NAV2: variants seen among roughly 807,000 people sequenced by gnomAD.
NAV2 encodes helicase, APC down-regulated 1.
Under a neutral mutation model 223.2 loss-of-function variants are expected in NAV2, and 54 were observed. The ratio of observed to expected loss-of-function variants is 0.24; its 90% confidence interval spans 0.19 to 0.30. The LOEUF (loss-of-function observed/expected upper bound fraction) is 0.30. Among genes scored for constraint, NAV2 ranks in the 10% least tolerant of loss-of-function variants. The probability of loss-of-function intolerance (pLI) is 1.00; values close to 1 mark genes in which losing one functional copy is unlikely to be tolerated. For synonymous variants in NAV2, 1,279 were observed against 1,239.3 expected (o/e 1.03, Z -0.67); for missense variants, 2,806 against 3,147.5 (o/e 0.89, Z 2.60).
chr11:19,919,577 G>A (rs1449339345), intron 6 of NAV2, among the ~76,000 whole-genome samples: 1 of 152,194 alleles, frequency 6.6e-6, no homozygotes, highest in African/African-American at 2.4e-5. Context: ...TGAAACTATG[G>A]CACTGGAAGG....
intron 3 of NAV2, among the ~76,000 whole-genome samples, chr11:19,861,504 A>G (rs947695380): frequency 6.6e-6 from 1 of 152,226 alleles, no homozygotes; most frequent in African/African-American, 2.4e-5. Context: ...CATATTAAAC[A>G]TCACGAATAT....
chr11:19,455,113 G>A (rs1851917043), intron 1 of NAV2, among the ~76,000 whole-genome samples: 1 of 152,200 alleles, frequency 6.6e-6, no homozygotes, highest in African/African-American at 2.4e-5. Flanking sequence ...AAGAGGCAGA[G>A]TGACTTTAGA....
chr11:19,504,490 AG>A (rs113976026), intron 1 of NAV2: 10 of 152,114 alleles, frequency 6.6e-5, no homozygotes, highest in African/African-American at 1.9e-4. Context: ...TTGGGGAGGG[AG>A]GGAGGTTCCT....
chr11:19,998,764 C>T lies in NAV2; in HGVS notation c.2768+14517C>T, dbSNP rs2052223754. On this transcript the variant is annotated intron_variant, in intron 11 of 37. Coordinates refer to ENST00000349880, the MANE Select transcript of NAV2 (RefSeq NM_145117.5). This position sits in a 1 kb window ranked among gnomAD's most constrained non-coding sequence, Gnocchi z 5.0. Reference sequence around the variant, plus strand: ...CTTATTCTCTTCCTTCAGGTCTCAACTCAAACTTCACCACTTAGAGAGGCT... The same window carrying T: ...CTTATTCTCTTCCTTCAGGTCTCAATTCAAACTTCACCACTTAGAGAGGCT... Among the ~76,000 whole-genome samples the T allele has an allele frequency of 6.6e-6, 1 of 152,192 alleles. No homozygotes were observed. Among genetic ancestry groups the T allele is most frequent in the Non-Finnish European group, 1.5e-5 (1 of 68,042 alleles).
chr11:19,966,545 C>T (rs1285383646), intron 10 of NAV2, among the ~76,000 whole-genome samples: 1 of 152,214 alleles, frequency 6.6e-6, no homozygotes, highest in East Asian at 1.9e-4. Context: ...CAGCTGCCAT[C>T]CTGTTCCTGC....
intron 1 of NAV2, among the ~76,000 whole-genome samples, chr11:19,669,043 G>A (rs1590063560): frequency 6.6e-6 from 1 of 152,212 alleles, no homozygotes; most frequent in Admixed American, 6.5e-5. Flanking sequence ...GGCTGGACAA[G>A]TGACGGCCAT....
chr11:19,935,854 T>TTTTTTTTTTG lies in NAV2; in HGVS notation c.2033+1586_2033+1587insGTTTTTTTTT, dbSNP rs1555156778. Among the ~76,000 whole-genome samples, 392 of 93,738 alleles carry TTTTTTTTTTG rather than the reference T, an allele frequency of 4.2e-3. 21 individuals are homozygous for TTTTTTTTTTG. The highest frequency in any genetic ancestry group is 7.7e-3 in the Non-Finnish European group (336 of 43,436). The allele number at this position is 93,738 out of a possible 152,430, so 61.5% of individuals were successfully genotyped here. On this transcript the variant is annotated intron_variant, in intron 7 of 37. Transcript: ENST00000349880. Reference sequence around the variant, plus strand: ...GCTTTTGTTTTGTTTTGTTTCTGTTTTTTTTTTTTTTTTTTTTTTTTGAGA... The same window carrying TTTTTTTTTTG: ...GCTTTTGTTTTGTTTTGTTTCTGTTTTTTTTTTTTGTTTTTTTTTTTTTTTTTTTTTGAGA...
At chr11:19,450,333 C>T (rs115279647) in intron 1 of NAV2, among the ~76,000 whole-genome samples, 2,429 of 152,292 alleles carry the variant, frequency 0.016, 68 homozygotes, top group African/African-American at 0.055. Flanking sequence ...CTTCCCCTCT[C>T]ATTTTTCTCT....
chr11:19,873,193 C>CTAGG (rs2062631804), intron 4 of NAV2, among the ~76,000 whole-genome samples: 1 of 152,178 alleles, frequency 6.6e-6, no homozygotes, highest in Non-Finnish European at 1.5e-5. Flanking sequence ...AGGCCCAGTG[C>CTAGG]TAGGCACTAG....
At chr11:19,963,829 A>C (rs192344848) in intron 10 of NAV2, among the ~76,000 whole-genome samples, 1 of 152,346 alleles carries the variant, frequency 6.6e-6, no homozygotes, top group East Asian at 1.9e-4. Flanking sequence ...AGGTGCTCAG[A>C]GGCAGGAAAG....
intron 1 of NAV2, among the ~76,000 whole-genome samples, chr11:19,496,111 G>C (rs1023472984): frequency 1.3e-5 from 2 of 152,084 alleles, no homozygotes; most frequent in Non-Finnish European, 2.9e-5. Flanking sequence ...GAAAATGGGG[G>C]CTCTAGCATT....
intron 1 of NAV2, among the ~76,000 whole-genome samples, chr11:19,735,201 T>G (rs1262510263): frequency 1.3e-5 from 2 of 152,100 alleles, no homozygotes; most frequent in Non-Finnish European, 2.9e-5. Flanking sequence ...ACATAAAGCT[T>G]CTCCATGGGC....
intron 1 of NAV2, among the ~76,000 whole-genome samples, chr11:19,717,725 G>A (rs1487918438): frequency 6.6e-6 from 1 of 152,138 alleles, no homozygotes; most frequent in Non-Finnish European, 1.5e-5. Flanking sequence ...ATCCGGAGAG[G>A]GTGTCCGTTA....
chr11:19,401,480 A>G (rs749414892), intron 1 of NAV2, among the ~76,000 whole-genome samples: 5 of 152,334 alleles, frequency 3.3e-5, no homozygotes, highest in Admixed American at 2.6e-4. Context: ...GGGCACATTT[A>G]TGAAATCACA....
intron 4 of NAV2, among the ~76,000 whole-genome samples, chr11:19,872,780 G>C (rs1413232245): frequency 6.6e-6 from 1 of 152,232 alleles, no homozygotes; most frequent in South Asian, 2.1e-4. Flanking sequence ...CGGATGCTTG[G>C]GGGCAGAGGC....
chr11:19,631,192 G>T (rs1238574734), intron 1 of NAV2, among the ~76,000 whole-genome samples: 4 of 151,560 alleles, frequency 2.6e-5, no homozygotes, highest in African/African-American at 9.7e-5. Flanking sequence ...TGCCACACTG[G>T]TGCACTGCAC....
intron 1 of NAV2, among the ~76,000 whole-genome samples, chr11:19,546,510 G>A (rs2044503229): frequency 6.6e-6 from 1 of 152,192 alleles, no homozygotes; most frequent in African/African-American, 2.4e-5. Context: ...GCTTTCCAAA[G>A]CCACCTGCAG....
At chr11:19,960,683 A>G (rs974306873) in intron 10 of NAV2, among the ~76,000 whole-genome samples, 1 of 151,886 alleles carries the variant, frequency 6.6e-6, no homozygotes. Flanking sequence ...GCACAATCTC[A>G]GCTCACTGCA....
chr11:19,758,382 TA>T (rs1235813707), intron 1 of NAV2, among the ~76,000 whole-genome samples: 1 of 151,860 alleles, frequency 6.6e-6, no homozygotes, highest in African/African-American at 2.4e-5. Flanking sequence ...GCTTGAGTGG[TA>T]AAAAAGAGCC....
Sources: gnomAD v4.1 joint callset for allele counts (sites outside exome capture counted in the v4.1 genomes callset) on GRCh38, gnomAD v4.1.1 for gene constraint, Gnocchi (gnomAD v3.1) non-coding constraint, MANE v1.5 for transcripts, NCBI Gene and HGNC (gene_info 2026-07-23, HGNC 2026-07-21) for gene names.